The following MCU variants were observed in gnomAD, a reference collection of about 807,000 sequenced individuals.
The protein encoded by MCU is mitochondrial calcium uniporter.
Under a neutral mutation model 45.2 loss-of-function variants are expected in MCU, and 12 were observed. The ratio of observed to expected loss-of-function variants is 0.27; its 90% confidence interval spans 0.17 to 0.43. The LOEUF is 0.43. Ranked by LOEUF, MCU falls within the 20% of genes least tolerant of loss-of-function variation. The pLI, the probability that MCU is intolerant of heterozygous loss-of-function variation, is 1.00. For synonymous variants in MCU, 160 were observed against 165.1 expected (o/e 0.97, Z 0.24); for missense variants, 324 against 436.7 (o/e 0.74, Z 2.30).
chr10:72,885,920 G>A lies in MCU; in HGVS notation c.*98G>A, dbSNP rs762070733. 5 of 891,640 alleles carry A rather than the reference G, an allele frequency of 5.6e-6. No homozygotes were observed. The highest frequency in any genetic ancestry group is 1.5e-5 in the South Asian group (1 of 67,088). The allele number at this position is 891,640 out of a possible 1,614,324, so 55.2% of individuals were successfully genotyped here. ...AGCTGGGAGCCATGTGGGGGGTAGAGCGTTTTTACCTTTAATTATAAAACA... is the reference window on the plus strand; with the variant it reads ...AGCTGGGAGCCATGTGGGGGGTAGAACGTTTTTACCTTTAATTATAAAACA... On this transcript the variant is annotated 3_prime_UTR_variant, in exon 8 of 8. Coordinates refer to ENST00000373053, the MANE Select transcript of MCU (RefSeq NM_138357.3).
chr10:72,828,519 T>TAAA (rs1485784386), intron 1 of MCU, among the ~76,000 whole-genome samples: 5 of 152,180 alleles, frequency 3.3e-5, no homozygotes, highest in South Asian at 4.2e-4. Context: ...CCCCTTCCTT[T>TAAA]AGCCTGATGT....
chr10:72,862,942 G>A (rs962521820), intron 4 of MCU, among the ~76,000 whole-genome samples: 2 of 151,868 alleles, frequency 1.3e-5, no homozygotes, highest in Non-Finnish European at 2.9e-5. Context: ...AAAGAATTGG[G>A]TCTAACATAG....
intron 1 of MCU, among the ~76,000 whole-genome samples, chr10:72,714,643 A>G (rs1003351995): frequency 1.3e-5 from 2 of 151,546 alleles, no homozygotes; most frequent in Non-Finnish European, 2.9e-5. Flanking sequence ...CTCCCGGGTT[A>G]AAGCAATTCT....
intron 1 of MCU, among the ~76,000 whole-genome samples, chr10:72,726,924 A>G (rs1843109612): frequency 6.6e-6 from 1 of 152,226 alleles, no homozygotes; most frequent in Admixed American, 6.5e-5. Context: ...TGACTGTGTT[A>G]CCTTAGTACA....
rs11815189 is a variant in MCU, at chr10:72,702,610, A to G, written c.150+10309A>G. The stretch of plus-strand genomic sequence containing the variant: ...GGCTGTGCTTCTTTTTTTTCTAAAG[A>G]ATGTTCAGCGGGAGCACTTGGGACC... On this transcript the variant is annotated intron_variant, in intron 1 of 7. Transcript: ENST00000373053. Among the ~76,000 whole-genome samples the G allele has an allele frequency of 8.0e-3, 1,220 of 152,226 alleles. 3 individuals carry two copies. Among genetic ancestry groups the G allele is most frequent in the Non-Finnish European group, 0.013 (886 of 68,000 alleles).
chr10:72,695,041 T>C (rs1842668883), intron 1 of MCU, among the ~76,000 whole-genome samples: 1 of 152,172 alleles, frequency 6.6e-6, no homozygotes, highest in Non-Finnish European at 1.5e-5. Context: ...TGATGTAAAA[T>C]GTTTGTTGCC....
intron 1 of MCU, among the ~76,000 whole-genome samples, chr10:72,812,437 C>T (rs766152283): frequency 5.3e-5 from 8 of 152,168 alleles, no homozygotes; most frequent in Admixed American, 2.0e-4. Flanking sequence ...TGAGCCACTG[C>T]GCCCATACTC....
intron 1 of MCU, among the ~76,000 whole-genome samples, chr10:72,766,094 C>G (rs753011835): frequency 2.0e-5 from 3 of 152,110 alleles, no homozygotes; most frequent in Non-Finnish European, 4.4e-5. Context: ...TCTTGAACAC[C>G]TGGCCTCAAG....
At chr10:72,870,357 C>A (rs1008130582) in intron 5 of MCU, among the ~76,000 whole-genome samples, 4 of 152,176 alleles carry the variant, frequency 2.6e-5, no homozygotes, top group Admixed American at 2.6e-4. Flanking sequence ...CGGCTCACTG[C>A]AGGCTCCACC....
At chr10:72,826,900 ATAAGATATTT>A (rs1365694462) in intron 1 of MCU, among the ~76,000 whole-genome samples, 1 of 152,216 alleles carries the variant, frequency 6.6e-6, no homozygotes, top group Admixed American at 6.5e-5. Context: ...GTACAGTACA[ATAAGATATTT>A]TAAGAGACCA....
At chr10:72,858,833 C>CG (rs1276618632) in intron 2 of MCU, among the ~76,000 whole-genome samples, 4 of 152,206 alleles carry the variant, frequency 2.6e-5, no homozygotes, top group African/African-American at 9.7e-5. Flanking sequence ...CCAGCAATCT[C>CG]TGACTGCTTA....
chr10:72,873,257 A>T (rs187865635), intron 6 of MCU, among the ~76,000 whole-genome samples: 55 of 151,892 alleles, frequency 3.6e-4, no homozygotes, highest in African/African-American at 1.0e-3. Context: ...TGACCTCGTG[A>T]TCCACCTGCC....
intron 1 of MCU, among the ~76,000 whole-genome samples, chr10:72,722,343 A>G (rs1007850854): frequency 3.9e-4 from 57 of 144,916 alleles, no homozygotes; most frequent in Non-Finnish European, 7.2e-4. Flanking sequence ...AAAAAAAAAA[A>G]GGTACATGAC....
intron 2 of MCU, among the ~76,000 whole-genome samples, chr10:72,851,127 C>T (rs549417507): frequency 6.6e-6 from 1 of 152,314 alleles, no homozygotes; most frequent in African/African-American, 2.4e-5. Flanking sequence ...AAAGGCTTGT[C>T]AGCTCTGAAT....
chr10:72,791,623 C>T (rs567041500), intron 1 of MCU, among the ~76,000 whole-genome samples: 1 of 151,380 alleles, frequency 6.6e-6, no homozygotes, highest in Admixed American at 6.6e-5. Context: ...TATTTTTATC[C>T]CCAGGAAGCC....
chr10:72,722,392 A>G (rs956448768), intron 1 of MCU, among the ~76,000 whole-genome samples: 1 of 148,130 alleles, frequency 6.8e-6, no homozygotes, highest in Non-Finnish European at 1.5e-5. Context: ...CCTTAACCTC[A>G]GCTGTTTCTT....
intron 1 of MCU, among the ~76,000 whole-genome samples, chr10:72,793,618 A>G (rs1347670695): frequency 6.6e-6 from 1 of 152,056 alleles, no homozygotes; most frequent in Non-Finnish European, 1.5e-5. Context: ...TCATATGGTC[A>G]CAATCAGATG....
chr10:72,853,069 A>G (rs530819051), intron 2 of MCU, among the ~76,000 whole-genome samples: 195 of 152,328 alleles, frequency 1.3e-3, no homozygotes, highest in Non-Finnish European at 2.1e-3. Flanking sequence ...TAATTTAACT[A>G]TACAAGATCC....
chr10:72,768,574 G>A (rs12250069), intron 1 of MCU, among the ~76,000 whole-genome samples: 1,619 of 152,216 alleles, frequency 0.011, 34 homozygotes, highest in African/African-American at 0.037. Flanking sequence ...CATGATGATA[G>A]TTTCAACCTC....
Sources: allele counts gnomAD v4.1 joint callset (sites outside exome capture counted in the v4.1 genomes callset), GRCh38; gene constraint gnomAD v4.1.1; transcripts MANE v1.5; gene names NCBI Gene and HGNC (gene_info 2026-07-23, HGNC 2026-07-21).